CADPS: variants seen among roughly 807,000 people sequenced by gnomAD.
CADPS encodes calcium-dependent secretion activator 1.
CADPS carries 57 observed loss-of-function variants against 167.3 expected under a neutral mutation model. The ratio of observed to expected loss-of-function variants is 0.34; its 90% CI spans 0.28 to 0.42. The LOEUF (loss-of-function observed/expected upper bound fraction) is 0.42, where lower values mean the gene tolerates loss of function less well. CADPS is among the 20% of genes least tolerant of loss of function. The probability of loss-of-function intolerance (pLI) is 1.00; values close to 1 mark genes in which losing one functional copy is unlikely to be tolerated. For synonymous variants in CADPS, 676 were observed against 635.3 expected, an observed-to-expected ratio of 1.06 and a Z score of -0.96; for missense variants, 1,414 against 1,738.1, an observed-to-expected ratio of 0.81 and a Z score of 3.32.
At chr3:62,747,498 T>C (rs1187489110) in intron 3 of CADPS, among the ~76,000 whole-genome samples, 1 of 152,170 alleles carries the variant, frequency 6.6e-6, no homozygotes, top group Non-Finnish European at 1.5e-5. Flanking sequence ...TAATAAACTA[T>C]CTGAAAAGCT....
At chr3:62,625,566 T>C (rs2063915810) in intron 6 of CADPS, 1 of 150,718 alleles carries the variant, frequency 6.6e-6, no homozygotes, top group African/African-American at 2.5e-5. Context: ...CTTAGTTTCG[T>C]CCGCAAAGCT....
At chr3:62,648,599 T>C (rs1233813260) in intron 5 of CADPS, among the ~76,000 whole-genome samples, 9 of 142,774 alleles carry the variant, frequency 6.3e-5, no homozygotes, top group African/African-American at 1.0e-4. Context: ...GGTGGGAAGA[T>C]CACTTGAGTC....
chr3:62,635,140 A>AAG (rs10663737), intron 6 of CADPS, among the ~76,000 whole-genome samples: 10,835 of 152,170 alleles, frequency 0.071, 454 homozygotes, highest in African/African-American at 0.12. Flanking sequence ...GCAGGTGAAA[A>AAG]AGAGAAACAT....
chr3:62,630,417 T>G (rs951055232), intron 6 of CADPS, among the ~76,000 whole-genome samples: 26 of 152,206 alleles, frequency 1.7e-4, no homozygotes, highest in Admixed American at 1.7e-3. Context: ...CTCTGTTCAC[T>G]GCAACTCCCA....
intron 6 of CADPS, among the ~76,000 whole-genome samples, chr3:62,608,573 C>G (rs2061030500): frequency 6.6e-6 from 1 of 152,034 alleles, no homozygotes; most frequent in East Asian, 1.9e-4. Context: ...GCCACTGCAC[C>G]CAGCTGAAAG....
chr3:62,486,444 CAA>C (rs1219097343), intron 21 of CADPS, among the ~76,000 whole-genome samples: 1,271 of 63,890 alleles, frequency 0.02, 7 homozygotes, highest in African/African-American at 0.045. Context: ...GACTCCGTCT[CAA>C]AAAAAAAAAA....
intron 23 of CADPS, among the ~76,000 whole-genome samples, chr3:62,477,507 G>A (rs537703108): frequency 1.3e-5 from 2 of 152,238 alleles, no homozygotes; most frequent in Admixed American, 1.3e-4. Flanking sequence ...TGTATGCCAA[G>A]AACTTAGCCC....
At chr3:62,583,827 T>C (rs1198734908) in intron 8 of CADPS, among the ~76,000 whole-genome samples, 1 of 152,052 alleles carries the variant, frequency 6.6e-6, no homozygotes, top group Non-Finnish European at 1.5e-5. Flanking sequence ...GCTCCTGTTC[T>C]TTACTATCTG....
chr3:62,589,573 T>C (rs2085453081), intron 7 of CADPS, among the ~76,000 whole-genome samples: 1 of 152,180 alleles, frequency 6.6e-6, no homozygotes, highest in African/African-American at 2.4e-5. Context: ...AACTGAACCC[T>C]CTGGGCGTCA....
At chr3:62,828,508 T>C (rs754541219) in intron 1 of CADPS, among the ~76,000 whole-genome samples, 6 of 152,130 alleles carry the variant, frequency 3.9e-5, no homozygotes, top group Non-Finnish European at 8.8e-5. Context: ...AAAAAACATG[T>C]TACCAGAATC....
chr3:62,575,057 C>T lies in CADPS; in HGVS notation c.1578-4119G>A, dbSNP rs568089739. On this transcript the variant is annotated intron_variant, in intron 8 of 29. Coordinates refer to ENST00000383710, the MANE Select transcript of CADPS (RefSeq NM_003716.4). Reference sequence around the variant, plus strand: ...CTAGCAAGATTGTAACAGCCTCACACTTTTCTGGAATTATATCTGGCAGCT... The same window carrying T: ...CTAGCAAGATTGTAACAGCCTCACATTTTTCTGGAATTATATCTGGCAGCT... Among the ~76,000 whole-genome samples the T allele has an allele frequency of 5.9e-5, 9 of 152,262 alleles. No homozygotes were observed. In the East Asian group the frequency reaches 1.7e-3, roughly 29 times the overall value.
rs562146585 is a variant in CADPS, at chr3:62,804,973, G to A, written c.442-38989C>T. The stretch of plus-strand genomic sequence containing the variant: ...ATATCAAGAAATATAGAGGCCCAAG[G>A]ATGGAATCACAGAGATGAAATCAGT... On this transcript the variant is annotated intron_variant, in intron 1 of 29. Transcript: ENST00000383710. Among the ~76,000 whole-genome samples the A allele has an allele frequency of 4.7e-4, 72 of 152,196 alleles. 1 individual carries two copies. The South Asian group carries it at 8.9e-3, about 19-fold the overall frequency.
chr3:62,719,015 C>T (rs976956898), intron 3 of CADPS, among the ~76,000 whole-genome samples: 7 of 152,180 alleles, frequency 4.6e-5, no homozygotes, highest in Non-Finnish European at 7.3e-5. Context: ...GAAGGCCTTC[C>T]AAACACAGGG....
intron 1 of CADPS, among the ~76,000 whole-genome samples, chr3:62,860,985 G>A (rs1438700624): frequency 2.6e-5 from 4 of 152,166 alleles, no homozygotes; most frequent in Non-Finnish European, 2.9e-5. Flanking sequence ...CTATTTTAGT[G>A]TGCTTGGGCA....
At chr3:62,863,123 G>C (rs2153190985) in intron 1 of CADPS, among the ~76,000 whole-genome samples, 1 of 152,182 alleles carries the variant, frequency 6.6e-6, no homozygotes, top group South Asian at 2.1e-4. Flanking sequence ...CAGACACCTG[G>C]GGAGACTAAA....
chr3:62,641,843 A>T (rs1416477939), intron 6 of CADPS, among the ~76,000 whole-genome samples: 7 of 151,038 alleles, frequency 4.6e-5, no homozygotes, highest in Non-Finnish European at 8.8e-5. Flanking sequence ...AGCTGAGAGT[A>T]TAAGAGGCTG....
chr3:62,465,687 G>A lies in CADPS; in HGVS notation c.3553-237C>T, dbSNP rs1030223315. ...TGCAAATATAGAGTGTTACAGAAGT[G>A]CAAAGTGACAAAATATTATTGAGTT... is the stretch of plus-strand genomic sequence containing the variant. On this transcript the variant is annotated intron_variant, in intron 25 of 29. Transcript: ENST00000383710. The surrounding 1 kb of genome is among the most constrained non-coding windows in gnomAD (Gnocchi z 4.1). Among the ~76,000 whole-genome samples, 15 of 152,174 alleles carry A rather than the reference G, an allele frequency of 9.9e-5. No homozygotes were observed. Among genetic ancestry groups the A allele is most frequent in the African/African-American group, 3.4e-4 (14 of 41,444 alleles).
chr3:62,831,773 A>C (rs1054713642), intron 1 of CADPS, among the ~76,000 whole-genome samples: 12 of 152,224 alleles, frequency 7.9e-5, no homozygotes, highest in Non-Finnish European at 4.4e-5. Flanking sequence ...TAAATTCAGC[A>C]AAACTTGCAC....
chr3:62,586,214 G>C (rs9817767), intron 7 of CADPS, among the ~76,000 whole-genome samples: 1 of 152,122 alleles, frequency 6.6e-6, no homozygotes, highest in Non-Finnish European at 1.5e-5. Flanking sequence ...GGCTTGCTAA[G>C]ATTTGCTTCT....
Sources: gnomAD v4.1 joint callset for allele counts (sites outside exome capture counted in the v4.1 genomes callset) on GRCh38, gnomAD v4.1.1 for gene constraint, Gnocchi (gnomAD v3.1) non-coding constraint, MANE v1.5 for transcripts, NCBI Gene and HGNC (gene_info 2026-07-23, HGNC 2026-07-21) for gene names.